Variants in GPC5 observed in about 807,000 individuals in gnomAD.
GPC5 encodes the protein glypican 5.
In GPC5, 47 loss-of-function variants were observed where a neutral mutation model predicts 53.9. The observed-to-expected ratio is 0.87, with a 90% CI of 0.69 to 1.11. GPC5 has a LOEUF of 1.11. GPC5 is among the 50% of genes most tolerant of loss of function. GPC5 has a pLI of 0.00. For synonymous variants in GPC5, 286 were observed against 263.3 expected (o/e 1.09, Z -0.84); for missense variants, 748 against 713.1 (o/e 1.05, Z -0.56).
intron 7 of GPC5, among the ~76,000 whole-genome samples, chr13:92,558,598 G>A (rs1882582998): frequency 6.6e-6 from 1 of 151,886 alleles, no homozygotes; most frequent in African/African-American, 2.4e-5. Context: ...AATCTCCAAT[G>A]TCTCTGAAAT....
At chr13:92,126,850 G>A (rs901411940) in intron 6 of GPC5, among the ~76,000 whole-genome samples, 10 of 134,208 alleles carry the variant, frequency 7.5e-5, no homozygotes, top group Non-Finnish European at 1.8e-4. Context: ...ATGCATGTGT[G>A]TGCATTTGTG....
intron 7 of GPC5, among the ~76,000 whole-genome samples, 161 bp from the exon 8 acceptor site, chr13:92,866,121 G>A (rs547357164): frequency 1.3e-5 from 2 of 152,256 alleles, no homozygotes; most frequent in South Asian, 4.1e-4. Context: ...ATCTAAGTAG[G>A]ACAGAAATAC....
chr13:92,646,752 A>G (rs1370866487), intron 7 of GPC5, among the ~76,000 whole-genome samples: 2 of 151,916 alleles, frequency 1.3e-5, no homozygotes, highest in South Asian at 4.1e-4. Context: ...TACTAGATCT[A>G]TTCTGAATAA....
At chr13:92,740,907 T>C (rs1276369059) in intron 7 of GPC5, among the ~76,000 whole-genome samples, 231 of 139,676 alleles carry the variant, frequency 1.7e-3, no homozygotes, top group African/African-American at 5.7e-3. Context: ...TATATATATA[T>C]ATATATATAT....
chr13:91,594,985 CATTT>C (rs60740693), intron 2 of GPC5, among the ~76,000 whole-genome samples: 10,860 of 137,364 alleles, frequency 0.079, 598 homozygotes, highest in African/African-American at 0.16. Flanking sequence ...TTTTTATTTA[CATTT>C]ATTTATTTAT....
chr13:92,326,278 T>A (rs1186423902), intron 7 of GPC5, among the ~76,000 whole-genome samples: 1 of 152,110 alleles, frequency 6.6e-6, no homozygotes, highest in African/African-American at 2.4e-5. Context: ...TTCAGACTTG[T>A]ACAATAAAAG....
chr13:92,379,190 T>C (rs1334201621), intron 7 of GPC5, among the ~76,000 whole-genome samples: 1 of 152,214 alleles, frequency 6.6e-6, no homozygotes, highest in Non-Finnish European at 1.5e-5. Flanking sequence ...AAACTCCCTT[T>C]CCCACACATT....
At position 91,897,033 on chromosome 13, in the gene GPC5, C is replaced by CTCT. The variant is rs1441604386; in HGVS notation, c.1281-10902_1281-10901insTTC. Among the ~76,000 whole-genome samples the CTCT allele has an allele frequency of 1.1e-4, 16 of 151,836 alleles. No individual in the cohort carries two copies. The South Asian group carries it at 3.3e-3, about 32-fold the overall frequency. ...CCTCCTCTTCCTCTTCTTCTTCCTC[C>CTCT]TCCTCTTCTTCCTCCCCCTCCTCCT... On this transcript the variant is annotated intron_variant, in intron 5 of 7. Transcript: ENST00000377067.
intron 7 of GPC5, among the ~76,000 whole-genome samples, chr13:92,326,585 T>G (rs2043253054): frequency 6.6e-6 from 1 of 152,128 alleles, no homozygotes. Context: ...AATACTGTTT[T>G]CTGCAAGTTG....
chr13:92,743,725 T>C (rs947368771), intron 7 of GPC5, among the ~76,000 whole-genome samples: 2 of 152,172 alleles, frequency 1.3e-5, no homozygotes, highest in Non-Finnish European at 2.9e-5. Context: ...TGTGGGTTTC[T>C]CATAAATAGC....
At chr13:91,856,641 A>C (rs969639179) in intron 5 of GPC5, among the ~76,000 whole-genome samples, 38 of 151,278 alleles carry the variant, frequency 2.5e-4, no homozygotes, top group Admixed American at 9.9e-4. Context: ...AATTAGGATA[A>C]CTTTTTCTGA....
chr13:92,054,448 C>T (rs1355428433), intron 6 of GPC5, among the ~76,000 whole-genome samples: 1 of 152,084 alleles, frequency 6.6e-6, no homozygotes, highest in Non-Finnish European at 1.5e-5. Context: ...AGAAATTGTT[C>T]TGAGTATTTT....
At chr13:92,623,827 TAGAA>T (rs1884956120) in intron 7 of GPC5, among the ~76,000 whole-genome samples, 1 of 151,334 alleles carries the variant, frequency 6.6e-6, no homozygotes, top group African/African-American at 2.4e-5. Context: ...TCATTTCCCT[TAGAA>T]AGTCTACTGA....
intron 7 of GPC5, among the ~76,000 whole-genome samples, chr13:92,358,100 G>C (rs1317345748): frequency 6.6e-6 from 1 of 151,814 alleles, no homozygotes; most frequent in African/African-American, 2.4e-5. Context: ...TTACTTCCAA[G>C]ATATAATGTT....
At chr13:92,007,859 C>T (rs969435613) in intron 6 of GPC5, among the ~76,000 whole-genome samples, 1 of 152,028 alleles carries the variant, frequency 6.6e-6, no homozygotes, top group Non-Finnish European at 1.5e-5. Flanking sequence ...GCACTGGCAA[C>T]GTATCCTAGT....
chr13:92,360,812 C>G (rs770110690), intron 7 of GPC5, among the ~76,000 whole-genome samples: 21 of 151,860 alleles, frequency 1.4e-4, no homozygotes, highest in Non-Finnish European at 2.9e-4. Context: ...ACAAATATCA[C>G]TAGCATTCCT....
intron 7 of GPC5, among the ~76,000 whole-genome samples, chr13:92,685,026 G>A (rs551458030): frequency 3.3e-5 from 5 of 152,262 alleles, no homozygotes; most frequent in Non-Finnish European, 7.4e-5. Context: ...TTTACCATTA[G>A]TAGTATGCTG....
chr13:91,672,470 A>G (rs1300152523), intron 2 of GPC5, among the ~76,000 whole-genome samples: 1 of 152,212 alleles, frequency 6.6e-6, no homozygotes, highest in African/African-American at 2.4e-5. Flanking sequence ...CACGGTCAAC[A>G]AACATATGAA....
chr13:91,504,116 C>A (rs1884810369), intron 2 of GPC5, among the ~76,000 whole-genome samples: 1 of 151,968 alleles, frequency 6.6e-6, no homozygotes, highest in African/African-American at 2.4e-5. Flanking sequence ...TAAAAGTTAA[C>A]TTCAATTCCT....
Sources: allele counts gnomAD v4.1 joint callset (sites outside exome capture counted in the v4.1 genomes callset), GRCh38; gene constraint gnomAD v4.1.1; transcripts MANE v1.5; gene names NCBI Gene and HGNC (gene_info 2026-07-23, HGNC 2026-07-21).